The following SORCS2 variants were observed in gnomAD, a reference collection of about 807,000 sequenced individuals.
The protein encoded by SORCS2 is VPS10 domain-containing receptor SorCS2.
SORCS2 carries 100 observed loss-of-function variants against 141.6 expected under a neutral mutation model. That is an observed-to-expected ratio of 0.71 (90% CI 0.60 to 0.83). The LOEUF (loss-of-function observed/expected upper bound fraction) is 0.83, where lower values mean the gene tolerates loss of function less well. Ranked by LOEUF, SORCS2 falls within the 40% of genes least tolerant of loss-of-function variation. SORCS2 has a pLI of 0.00. For missense variants in SORCS2, 1,646 were observed against 1,560.2 expected, an observed-to-expected ratio of 1.05 and a Z score of -0.93; for synonymous variants, 789 against 676.9, an observed-to-expected ratio of 1.17 and a Z score of -2.57.
chr4:7,741,743 G>T lies in SORCS2; in HGVS notation c.*1479G>T, dbSNP rs916659200. The T allele has an allele frequency of 1.9e-5, 3 of 155,682 alleles. No individual in the cohort carries two copies. Among genetic ancestry groups the T allele is most frequent in the Middle Eastern group, 6.0e-3 (2 of 332 alleles). 9.6% of individuals were successfully genotyped at this position (155,682 alleles called of 1,614,324 possible). ...CCAGAGCCCTGGCTGGTGACATGCT[G>T]GCTGGGGGTGAATCCGAATGACAGT... On this transcript the variant is annotated 3_prime_UTR_variant, in exon 27 of 27. Transcript: ENST00000507866.
chr4:7,667,042 A>G (rs1722546432), intron 7 of SORCS2, 82 bp from the exon 8 acceptor site: 7 of 1,236,148 alleles, frequency 5.7e-6, no homozygotes, highest in African/African-American at 3.0e-5. Context: ...CTTGCTGAAT[A>G]TAACATGTAG....
intron 1 of SORCS2, among the ~76,000 whole-genome samples, chr4:7,292,053 C>T (rs1716638114): frequency 6.6e-6 from 1 of 152,194 alleles, no homozygotes; most frequent in South Asian, 2.1e-4. Flanking sequence ...CTGGAGGGGA[C>T]CGTCATGGGA....
intron 1 of SORCS2, among the ~76,000 whole-genome samples, chr4:7,200,871 T>A (rs1727448304): frequency 6.6e-6 from 1 of 152,196 alleles, no homozygotes; most frequent in Non-Finnish European, 1.5e-5. Context: ...TTCATCTTAT[T>A]TCCTAAGAGT....
intron 2 of SORCS2, among the ~76,000 whole-genome samples, chr4:7,448,086 C>G (rs1316668409): frequency 6.6e-6 from 1 of 152,196 alleles, no homozygotes; most frequent in African/African-American, 2.4e-5. Flanking sequence ...GAAACACATC[C>G]CTGTACGTAG....
At chr4:7,411,419 C>G (rs973177077) in intron 2 of SORCS2, among the ~76,000 whole-genome samples, 2 of 152,072 alleles carry the variant, frequency 1.3e-5, no homozygotes, top group Non-Finnish European at 1.5e-5. Context: ...TCCCATGTAT[C>G]CATCCACCTA....
chr4:7,654,068 C>A (rs1721601382), intron 4 of SORCS2, 66 bp from the exon 5 acceptor site: 2 of 1,396,570 alleles, frequency 1.4e-6, no homozygotes, highest in South Asian at 1.2e-5. Flanking sequence ...AGACATCACC[C>A]TCTCTCAGAA....
intron 5 of SORCS2, among the ~76,000 whole-genome samples, chr4:7,655,948 T>C (rs1056753761): frequency 6.6e-6 from 1 of 152,182 alleles, no homozygotes; most frequent in Non-Finnish European, 1.5e-5. Context: ...GCAAATCAAA[T>C]TGTTTCCTCC....
chr4:7,412,551 A>G (rs1725387114), intron 2 of SORCS2, among the ~76,000 whole-genome samples: 1 of 152,094 alleles, frequency 6.6e-6, no homozygotes, highest in Non-Finnish European at 1.5e-5. Context: ...TGCTCAGTGG[A>G]GATGGGGAGC....
In SORCS2 at chr4:7,729,728, G is replaced by T. The variant is rs577624719; in HGVS notation, c.3108+16G>T. ...GAGTGATAAGGTATGTCCTGTGGCC[G>T]CTGCACTCCCAGGTCCTCCCTGCAC... On this transcript the variant is annotated intron_variant, in intron 23 of 26. Coordinates refer to ENST00000507866, the MANE Select transcript of SORCS2 (RefSeq NM_020777.3). 7 of 1,606,090 alleles carry T rather than the reference G, an allele frequency of 4.4e-6. No homozygotes were observed. Among genetic ancestry groups the T allele is most frequent in the Middle Eastern group, 1.7e-4 (1 of 6,052 alleles).
intron 2 of SORCS2, among the ~76,000 whole-genome samples, chr4:7,401,257 TGATG>T (rs1318723570): frequency 6.7e-6 from 1 of 149,936 alleles, no homozygotes; most frequent in Non-Finnish European, 1.5e-5. Context: ...ATGAATGGAT[TGATG>T]GATGGATAGA....
At chr4:7,616,711 A>G (rs1243782207) in intron 3 of SORCS2, among the ~76,000 whole-genome samples, 5 of 152,242 alleles carry the variant, frequency 3.3e-5, no homozygotes, top group African/African-American at 9.6e-5. Context: ...GAAATCACAA[A>G]ACAGAACAAC....
intron 1 of SORCS2, among the ~76,000 whole-genome samples, chr4:7,389,520 T>G (rs933253092): frequency 1.3e-5 from 2 of 152,146 alleles, no homozygotes; most frequent in Admixed American, 1.3e-4. Context: ...GGTCTTGGCT[T>G]TTCTGAGTCA....
chr4:7,519,548 C>T (rs921659524), intron 2 of SORCS2, among the ~76,000 whole-genome samples: 17 of 152,358 alleles, frequency 1.1e-4, no homozygotes, highest in South Asian at 2.1e-4. Flanking sequence ...AGACCCAGCA[C>T]GTGGCGGCCA....
At chr4:7,709,161 G>A (rs1725666000) in intron 14 of SORCS2, among the ~76,000 whole-genome samples, 1 of 152,208 alleles carries the variant, frequency 6.6e-6, no homozygotes, top group African/African-American at 2.4e-5. Flanking sequence ...ATGTGGTCAA[G>A]CCGTTCCTGA....
intron 2 of SORCS2, among the ~76,000 whole-genome samples, chr4:7,511,405 G>T (rs1328625619): frequency 1.0e-4 from 15 of 147,016 alleles, no homozygotes; most frequent in Non-Finnish European, 2.1e-4. Context: ...CCTGCAGAGA[G>T]AGAGGGGGAG....
At chr4:7,266,298 C>T (rs1485725480) in intron 1 of SORCS2, among the ~76,000 whole-genome samples, 2 of 152,186 alleles carry the variant, frequency 1.3e-5, no homozygotes, top group African/African-American at 2.4e-5. Flanking sequence ...GGAGAAGATG[C>T]TGGACTCCTC....
At chr4:7,655,650 G>A (rs1237632534) in intron 5 of SORCS2, among the ~76,000 whole-genome samples, 1 of 152,214 alleles carries the variant, frequency 6.6e-6, no homozygotes, top group African/African-American at 2.4e-5. Flanking sequence ...CCACGGGAGG[G>A]CCCGGTTCCT....
At chr4:7,571,946 C>A (rs1715427902) in intron 3 of SORCS2, among the ~76,000 whole-genome samples, 1 of 152,180 alleles carries the variant, frequency 6.6e-6, no homozygotes, top group African/African-American at 2.4e-5. Context: ...AGCAAACGTG[C>A]CCTACCAGCT....
At chr4:7,579,350 C>T (rs367786929) in intron 3 of SORCS2, among the ~76,000 whole-genome samples, 2 of 152,146 alleles carry the variant, frequency 1.3e-5, no homozygotes, top group African/African-American at 4.8e-5. Context: ...CTAGGCCACA[C>T]CCACCCGTGT....
Sources: allele counts gnomAD v4.1 joint callset (sites outside exome capture counted in the v4.1 genomes callset), GRCh38; gene constraint gnomAD v4.1.1; transcripts MANE v1.5; gene names NCBI Gene and HGNC (gene_info 2026-07-23, HGNC 2026-07-21).